ATG10: variants seen among roughly 807,000 people sequenced by gnomAD.
ATG10 encodes the protein ubiquitin-like-conjugating enzyme ATG10.
Under a neutral mutation model 32.1 loss-of-function variants are expected in ATG10, and 30 were observed. The ratio of observed to expected loss-of-function variants is 0.94; its 90% CI spans 0.70 to 1.27. ATG10 has a LOEUF of 1.27. Ranked by LOEUF, ATG10 falls within the 50% of genes most tolerant of loss-of-function variation. The probability of loss-of-function intolerance (pLI) is 0.00; values close to 1 mark genes in which losing one functional copy is unlikely to be tolerated. For missense variants in ATG10, 233 were observed against 262.3 expected, an observed-to-expected ratio of 0.89 and a Z score of 0.77; for synonymous variants, 87 against 91.5, an observed-to-expected ratio of 0.95 and a Z score of 0.28.
intron 5 of ATG10, among the ~76,000 whole-genome samples, chr5:82,247,875 A>T (rs1413117958): frequency 6.6e-6 from 1 of 151,962 alleles, no homozygotes; most frequent in African/African-American, 2.4e-5. Context: ...AAGTGTGGCC[A>T]CTGATGTCTT....
intron 5 of ATG10, among the ~76,000 whole-genome samples, chr5:82,233,302 T>C (rs893911645): frequency 2.6e-5 from 4 of 152,220 alleles, no homozygotes; most frequent in Non-Finnish European, 4.4e-5. Context: ...TGTTCTGATC[T>C]GAGCCTAAAA....
intron 1 of ATG10, among the ~76,000 whole-genome samples, chr5:81,983,520 C>A (rs977000331): frequency 4.1e-5 from 6 of 146,724 alleles, no homozygotes; most frequent in African/African-American, 2.6e-5. Flanking sequence ...GCTGACCCCC[C>A]CCACCTCCCT....
chr5:82,119,984 TTGTG>T (rs5869106), intron 3 of ATG10, among the ~76,000 whole-genome samples: 47,374 of 148,078 alleles, frequency 0.32, 7,500 homozygotes, highest in Middle Eastern at 0.41. Context: ...CCACCATTTA[TTGTG>T]TGTGTGTGTG....
intron 5 of ATG10, among the ~76,000 whole-genome samples, chr5:82,224,152 G>T (rs1301880763): frequency 3.3e-5 from 5 of 152,158 alleles, no homozygotes; most frequent in African/African-American, 1.2e-4. Context: ...ATAGTCCGGG[G>T]CATGGTAGGT....
intron 3 of ATG10, among the ~76,000 whole-genome samples, chr5:82,159,219 G>A (rs374548701): frequency 1.3e-5 from 2 of 152,258 alleles, no homozygotes; most frequent in East Asian, 3.9e-4. Context: ...TCTGGACAAA[G>A]GATGATTCAC....
intron 5 of ATG10, among the ~76,000 whole-genome samples, chr5:82,224,273 A>G (rs576630150): frequency 7.1e-4 from 108 of 152,212 alleles, no homozygotes; most frequent in Non-Finnish European, 1.4e-3. Context: ...GGGCCATGCA[A>G]TTGAAACTTT....
chr5:82,110,190 A>G (rs1198201908), intron 3 of ATG10, among the ~76,000 whole-genome samples: 1 of 152,060 alleles, frequency 6.6e-6, no homozygotes, highest in South Asian at 2.1e-4. Flanking sequence ...TTCTTAATCC[A>G]GTCTATCATT....
At chr5:82,079,612 G>A (rs572185981) in intron 3 of ATG10, among the ~76,000 whole-genome samples, 13 of 152,050 alleles carry the variant, frequency 8.5e-5, no homozygotes, top group East Asian at 5.8e-4. Flanking sequence ...GAGAACATGC[G>A]GTGTTTGTTT....
At chr5:82,221,613 C>T (rs2149993658) in intron 5 of ATG10, among the ~76,000 whole-genome samples, 1 of 152,256 alleles carries the variant, frequency 6.6e-6, no homozygotes, top group Non-Finnish European at 1.5e-5. Flanking sequence ...GCCAAGACAG[C>T]ATCAGACCAT....
intron 5 of ATG10, among the ~76,000 whole-genome samples, chr5:82,184,731 GACCT>G (rs982321980): frequency 6.6e-6 from 1 of 151,974 alleles, no homozygotes. Context: ...TACTTTCTTT[GACCT>G]ACAAGTTTAT....
chr5:82,121,007 A>T (rs534384213), intron 3 of ATG10, among the ~76,000 whole-genome samples: 1 of 152,190 alleles, frequency 6.6e-6, no homozygotes, highest in Non-Finnish European at 1.5e-5. Context: ...TAAATGAGTG[A>T]AATGATAAAA....
intron 3 of ATG10, among the ~76,000 whole-genome samples, chr5:82,108,734 G>T (rs1468672422): frequency 1.3e-5 from 2 of 151,922 alleles, no homozygotes; most frequent in African/African-American, 2.4e-5. Context: ...CATTACAAAG[G>T]TATAAAATAT....
At chr5:82,008,886 G>A (rs1373554150) in intron 2 of ATG10, among the ~76,000 whole-genome samples, 2 of 152,154 alleles carry the variant, frequency 1.3e-5, no homozygotes, top group Admixed American at 6.5e-5. Flanking sequence ...ATGATTGGAT[G>A]TATATCAGAA....
chr5:82,131,460 A>G (rs1038845159), intron 3 of ATG10, among the ~76,000 whole-genome samples: 4 of 152,114 alleles, frequency 2.6e-5, no homozygotes, highest in Non-Finnish European at 5.9e-5. Context: ...ATCTTCTTCA[A>G]GTTTCTCTTT....
intron 1 of ATG10, among the ~76,000 whole-genome samples, chr5:81,987,272 A>G (rs1348586051): frequency 6.6e-6 from 1 of 152,128 alleles, no homozygotes; most frequent in African/African-American, 2.4e-5. Context: ...ACAGGTGCAC[A>G]CCACTATGCC....
At chr5:82,201,773 A>G (rs944093402) in intron 5 of ATG10, among the ~76,000 whole-genome samples, 9 of 152,198 alleles carry the variant, frequency 5.9e-5, no homozygotes, top group East Asian at 1.9e-4. Flanking sequence ...TGAATAAGGT[A>G]TAACTCTCCA....
intron 2 of ATG10, among the ~76,000 whole-genome samples, chr5:81,987,923 A>G (rs1305525504): frequency 6.6e-6 from 1 of 152,242 alleles, no homozygotes. Context: ...AACCTGCTTA[A>G]TTTAATAGAT....
intron 3 of ATG10, among the ~76,000 whole-genome samples, chr5:82,130,345 G>A (rs894069150): frequency 6.6e-6 from 1 of 152,054 alleles, no homozygotes; most frequent in Non-Finnish European, 1.5e-5. Context: ...CTTTTCAGGG[G>A]AGCGAATGGT....
chr5:82,192,183 G>T (rs796122813), intron 5 of ATG10, among the ~76,000 whole-genome samples: 8 of 152,314 alleles, frequency 5.3e-5, no homozygotes, highest in African/African-American at 1.9e-4. Context: ...GGCTCTGGAG[G>T]TGGCCACATA....
Sources: gnomAD v4.1 joint callset for allele counts (sites outside exome capture counted in the v4.1 genomes callset) on GRCh38, gnomAD v4.1.1 for gene constraint, MANE v1.5 for transcripts, NCBI Gene and HGNC (gene_info 2026-07-23, HGNC 2026-07-21) for gene names.